Variants in APBB2 observed in about 807,000 individuals in gnomAD.
The protein encoded by APBB2 is Fe65-like 1.
A neutral mutation model predicts 82.5 loss-of-function variants in APBB2; 38 were observed. That is an observed-to-expected ratio of 0.46 (90% CI 0.36 to 0.60). The LOEUF is 0.60. Among genes scored for constraint, APBB2 ranks in the 20% least tolerant of loss-of-function variants. The pLI is 0.00. For synonymous variants in APBB2, 341 were observed against 368.2 expected (o/e 0.93, Z 0.85); for missense variants, 772 against 972.3 (o/e 0.79, Z 2.74).
intron 6 of APBB2, among the ~76,000 whole-genome samples, chr4:40,970,159 TG>T (rs1253737402): frequency 6.6e-6 from 1 of 152,182 alleles, no homozygotes; most frequent in East Asian, 1.9e-4. Flanking sequence ...CCCATTATCC[TG>T]GAAGTCCCTT....
intron 1 of APBB2, among the ~76,000 whole-genome samples, chr4:41,194,605 A>G: frequency 6.6e-6 from 1 of 152,202 alleles, no homozygotes; most frequent in Non-Finnish European, 1.5e-5. Flanking sequence ...GGATGGCCAC[A>G]GTGAGGTAAG....
intron 2 of APBB2, among the ~76,000 whole-genome samples, chr4:41,107,537 T>C (rs889285643): frequency 6.6e-6 from 1 of 151,990 alleles, no homozygotes; most frequent in Non-Finnish European, 1.5e-5. Context: ...CTAGAAAGGG[T>C]TGTTGTAGGA....
chr4:41,198,203 A>G, intron 1 of APBB2, among the ~76,000 whole-genome samples: 1 of 152,174 alleles, frequency 6.6e-6, no homozygotes, highest in Admixed American at 6.5e-5. Flanking sequence ...AGGAAAGGCT[A>G]CACCCAGCTC....
chr4:40,828,534 T>C (rs895153177), intron 13 of APBB2, among the ~76,000 whole-genome samples: 1 of 152,198 alleles, frequency 6.6e-6, no homozygotes, highest in African/African-American at 2.4e-5. Flanking sequence ...TGCCAGGCCA[T>C]GTTCTGAGGG....
chr4:40,888,141 T>C (rs1258507019), intron 12 of APBB2, among the ~76,000 whole-genome samples: 8 of 152,220 alleles, frequency 5.3e-5, no homozygotes, highest in Non-Finnish European at 1.2e-4. Context: ...CTAACATTCA[T>C]TAAGCATCTG....
At chr4:41,097,546 TTTA>T (rs1368659181) in intron 3 of APBB2, among the ~76,000 whole-genome samples, 1 of 152,184 alleles carries the variant, frequency 6.6e-6, no homozygotes, top group Non-Finnish European at 1.5e-5. Flanking sequence ...ATATGCATTA[TTTA>T]TTATTAAGTG....
At chr4:40,860,593 C>T (rs1163962622) in intron 12 of APBB2, among the ~76,000 whole-genome samples, 1 of 152,186 alleles carries the variant, frequency 6.6e-6, no homozygotes, top group Non-Finnish European at 1.5e-5. Flanking sequence ...AAACCACAAC[C>T]ATGAGCATAA....
chr4:41,076,330 A>C (rs1735642103), intron 3 of APBB2, among the ~76,000 whole-genome samples: 1 of 152,162 alleles, frequency 6.6e-6, no homozygotes, highest in Non-Finnish European at 1.5e-5. Flanking sequence ...TAAGGAGTAA[A>C]ACTCCATATC....
chr4:40,890,544 A>G, intron 11 of APBB2, 53 bp from the exon 12 acceptor site: 1 of 1,600,214 alleles, frequency 6.2e-7, no homozygotes, highest in South Asian at 1.1e-5. Flanking sequence ...TGGAAAGCCT[A>G]ATCGTGTGTG....
intron 7 of APBB2, among the ~76,000 whole-genome samples, chr4:40,935,791 AC>A (rs1475005865): frequency 6.6e-6 from 1 of 152,090 alleles, no homozygotes; most frequent in Non-Finnish European, 1.5e-5. Flanking sequence ...AAGCTTCTTC[AC>A]AAATTAATAC....
intron 12 of APBB2, chr4:40,881,524 T>TTTTA: frequency 7.8e-5 from 16 of 206,116 alleles, no homozygotes; most frequent in Non-Finnish European, 1.0e-4. Flanking sequence ...TTATCTTTTC[T>TTTTA]TTTCTTTTTC....
At chr4:41,152,472 A>AGTAG (rs1762510099) in intron 1 of APBB2, among the ~76,000 whole-genome samples, 2 of 151,824 alleles carry the variant, frequency 1.3e-5, no homozygotes, top group Non-Finnish European at 2.9e-5. Flanking sequence ...ACAGGCGCCC[A>AGTAG]CCACCAACCA....
intron 2 of APBB2, among the ~76,000 whole-genome samples, chr4:41,126,011 C>G (rs1754270978): frequency 6.6e-6 from 1 of 152,148 alleles, no homozygotes; most frequent in Admixed American, 6.5e-5. Flanking sequence ...ATAAGCACCT[C>G]AGCTTCGTTT....
intron 10 of APBB2, among the ~76,000 whole-genome samples, chr4:40,907,365 ATATATATATATATATTTT>A (rs1427241895): frequency 9.1e-4 from 77 of 85,016 alleles, no homozygotes; most frequent in African/African-American, 4.8e-3. Flanking sequence ...ATATATATAT[ATATATATATATATATTTT>A]TTTTTTTTTT....
At chr4:41,188,096 C>T (rs952307726) in intron 1 of APBB2, among the ~76,000 whole-genome samples, 46 of 152,180 alleles carry the variant, frequency 3.0e-4, no homozygotes, top group East Asian at 1.9e-4. Context: ...GTGATAGGTG[C>T]TTTTAGTTAT....
intron 3 of APBB2, among the ~76,000 whole-genome samples, chr4:41,081,548 C>A (rs555965641): frequency 6.6e-6 from 1 of 152,272 alleles, no homozygotes; most frequent in East Asian, 1.9e-4. Flanking sequence ...ATGGCTATTT[C>A]CAAAATATAT....
At chr4:40,979,354 C>T (rs929149351) in intron 6 of APBB2, among the ~76,000 whole-genome samples, 2 of 152,170 alleles carry the variant, frequency 1.3e-5, no homozygotes, top group South Asian at 4.1e-4. Context: ...ATGCTCTGAA[C>T]AGTTCCCTCC....
At chr4:41,088,431 G>T (rs985109479) in intron 3 of APBB2, among the ~76,000 whole-genome samples, 6 of 152,238 alleles carry the variant, frequency 3.9e-5, no homozygotes, top group African/African-American at 4.8e-5. Flanking sequence ...CTTTTTGACA[G>T]CTGTGGCTAT....
chr4:40,910,730 G>A (rs1317595908), intron 10 of APBB2, among the ~76,000 whole-genome samples: 1 of 152,276 alleles, frequency 6.6e-6, no homozygotes, highest in Admixed American at 6.5e-5. Flanking sequence ...TCGAGCTTGA[G>A]ACAGACTGAA....
Sources: allele counts gnomAD v4.1 joint callset (sites outside exome capture counted in the v4.1 genomes callset), GRCh38; gene constraint gnomAD v4.1.1; transcripts MANE v1.5; gene names NCBI Gene and HGNC (gene_info 2026-07-23, HGNC 2026-07-21).